PCDH15: variants seen among roughly 807,000 people sequenced by gnomAD.
The protein encoded by PCDH15 is protocadherin-15.
A neutral mutation model predicts 178.5 loss-of-function variants in PCDH15; 129 were observed. That is an observed-to-expected ratio of 0.72 (90% confidence interval 0.63 to 0.84). The LOEUF is 0.84. PCDH15 is among the 40% of genes least tolerant of loss of function. The pLI, the probability that PCDH15 is intolerant of heterozygous loss-of-function variation, is 0.00. For missense variants in PCDH15, 2,230 were observed against 2,099.9 expected (o/e 1.06, Z -1.21); for synonymous variants, 800 against 732.0 (o/e 1.09, Z -1.50).
chr10:55,440,592 C>T (rs1472372946), intron 2 of PCDH15, among the ~76,000 whole-genome samples: 1 of 152,114 alleles, frequency 6.6e-6, no homozygotes, highest in Non-Finnish European at 1.5e-5. Context: ...AATGTACACA[C>T]ACACCCAAAC....
intron 2 of PCDH15, among the ~76,000 whole-genome samples, chr10:54,998,516 G>T (rs2131926611): frequency 6.6e-6 from 1 of 152,084 alleles, no homozygotes; most frequent in South Asian, 2.1e-4. Flanking sequence ...AATTGAAAAT[G>T]TTTAGATAAT....
chr10:55,441,266 T>C (rs1014743932), intron 2 of PCDH15, among the ~76,000 whole-genome samples: 1 of 152,204 alleles, frequency 6.6e-6, no homozygotes, highest in Admixed American at 6.5e-5. Flanking sequence ...AAACAATAAG[T>C]AGCATTTCTC....
intron 2 of PCDH15, among the ~76,000 whole-genome samples, chr10:55,515,896 T>C (rs901992553): frequency 3.3e-5 from 5 of 152,184 alleles, no homozygotes; most frequent in Non-Finnish European, 7.3e-5. Context: ...TTCAAAAATA[T>C]ACCTTTATCC....
chr10:54,347,623 C>T (rs939875579), intron 5 of PCDH15, among the ~76,000 whole-genome samples: 1 of 151,682 alleles, frequency 6.6e-6, no homozygotes, highest in African/African-American at 2.4e-5. Context: ...TACAAGGATC[C>T]CTCAGGTAAT....
intron 4 of PCDH15, among the ~76,000 whole-genome samples, chr10:54,369,784 T>A (rs1409471956): frequency 6.6e-6 from 1 of 152,020 alleles, no homozygotes; most frequent in Non-Finnish European, 1.5e-5. Context: ...TTCTACACAT[T>A]TAAATGCTTA....
chr10:55,408,025 A>C (rs1261778083), intron 2 of PCDH15, among the ~76,000 whole-genome samples: 1 of 152,132 alleles, frequency 6.6e-6, no homozygotes, highest in Non-Finnish European at 1.5e-5. Flanking sequence ...CTCCAACACT[A>C]ACCATAAAGA....
At position 54,133,370 on chromosome 10, in the gene PCDH15, T is replaced by A. The variant is rs142918928; in HGVS notation, c.1785-363A>T. Among the ~76,000 whole-genome samples, 399 of 152,278 alleles carry A rather than the reference T, an allele frequency of 2.6e-3. 2 individuals are homozygous for A. Among genetic ancestry groups the A allele is most frequent in the African/African-American group, 8.9e-3 (370 of 41,562 alleles). ...TATAAACATCTGGTAATAAAAGCTG[T>A]CCTTGGGGCTTTTTTGCTGTTAAAC... On this transcript the variant is annotated intron_variant, in intron 14 of 37. Transcript: ENST00000644397.
chr10:55,513,416 AC>A (rs1840936845), intron 2 of PCDH15, among the ~76,000 whole-genome samples: 1 of 151,966 alleles, frequency 6.6e-6, no homozygotes, highest in African/African-American at 2.4e-5. Context: ...TTGCTTATCT[AC>A]CTTTCTTTCA....
intron 2 of PCDH15, among the ~76,000 whole-genome samples, chr10:54,616,652 C>T (rs1333937181): frequency 6.6e-6 from 1 of 152,038 alleles, no homozygotes; most frequent in East Asian, 1.9e-4. Flanking sequence ...GAGAATTATA[C>T]CACTGGACTC....
At chr10:55,289,793 G>A (rs1243893443) in intron 1 of PCDH15, among the ~76,000 whole-genome samples, 1 of 152,074 alleles carries the variant, frequency 6.6e-6, no homozygotes, top group Non-Finnish European at 1.5e-5. Context: ...TTTAAGAGAT[G>A]ATAGGGTCAC....
At chr10:54,986,261 A>G (rs1440160298) in intron 2 of PCDH15, among the ~76,000 whole-genome samples, 1 of 152,114 alleles carries the variant, frequency 6.6e-6, no homozygotes, top group East Asian at 1.9e-4. Flanking sequence ...AAGTCAAATA[A>G]GTAAGGAGAC....
chr10:55,422,564 T>A (rs949834002), intron 2 of PCDH15, among the ~76,000 whole-genome samples: 3 of 151,906 alleles, frequency 2.0e-5, no homozygotes, highest in Non-Finnish European at 2.9e-5. Flanking sequence ...ACATGTCTCA[T>A]AACTAATTTA....
intron 2 of PCDH15, among the ~76,000 whole-genome samples, chr10:55,604,928 A>T (rs1257690238): frequency 6.6e-6 from 1 of 151,506 alleles, no homozygotes; most frequent in Non-Finnish European, 1.5e-5. Context: ...AGACACAAAA[A>T]ACCCTTCAAA....
intron 7 of PCDH15, among the ~76,000 whole-genome samples, chr10:54,320,660 CTATAA>C (rs901408247): frequency 1.3e-5 from 2 of 151,768 alleles, no homozygotes; most frequent in Non-Finnish European, 2.9e-5. Flanking sequence ...ATAGCTATGT[CTATAA>C]TATATGAATT....
intron 18 of PCDH15, among the ~76,000 whole-genome samples, chr10:54,041,649 G>A (rs554570191): frequency 2.6e-5 from 4 of 152,064 alleles, no homozygotes; most frequent in East Asian, 3.9e-4. Context: ...ATTAAGTTAC[G>A]AAAATAAACA....
intron 1 of PCDH15, among the ~76,000 whole-genome samples, chr10:55,209,732 T>A (rs1840508930): frequency 6.6e-6 from 1 of 151,986 alleles, no homozygotes. Context: ...ATGGGAGAGA[T>A]TATAAATTAT....
intron 2 of PCDH15, among the ~76,000 whole-genome samples, chr10:55,161,052 C>A (rs541645976): frequency 6.6e-6 from 1 of 152,230 alleles, no homozygotes; most frequent in African/African-American, 2.4e-5. Flanking sequence ...AAAATTATCA[C>A]CCTCACTCCC....
At chr10:55,299,973 A>G (rs1024677863) in intron 1 of PCDH15, among the ~76,000 whole-genome samples, 4 of 152,130 alleles carry the variant, frequency 2.6e-5, no homozygotes, top group African/African-American at 7.2e-5. Flanking sequence ...ATTTTTGTTT[A>G]TTTTCTAAGA....
chr10:55,013,430 C>T (rs1190964071), intron 2 of PCDH15, among the ~76,000 whole-genome samples: 1 of 132,122 alleles, frequency 7.6e-6, no homozygotes, highest in East Asian at 3.3e-4. Context: ...CAATTTGAAC[C>T]TCTTTTTCTC....
Sources: gnomAD v4.1 joint callset for allele counts (sites outside exome capture counted in the v4.1 genomes callset) on GRCh38, gnomAD v4.1.1 for gene constraint, MANE v1.5 for transcripts, NCBI Gene and HGNC (gene_info 2026-07-23, HGNC 2026-07-21) for gene names.